The following SAMD4A variants were observed in gnomAD, a reference collection of about 807,000 sequenced individuals.
SAMD4A encodes the protein protein Smaug homolog 1.
A neutral mutation model predicts 81.3 loss-of-function variants in SAMD4A; 33 were observed. That is an observed-to-expected ratio of 0.41 (90% confidence interval 0.31 to 0.54). The LOEUF is 0.54. SAMD4A is among the 20% of genes least tolerant of loss of function. The probability of loss-of-function intolerance (pLI) is 0.37; values close to 1 mark genes in which losing one functional copy is unlikely to be tolerated. For synonymous variants in SAMD4A, 389 were observed against 382.1 expected (o/e 1.02, Z -0.21); for missense variants, 854 against 951.1 (o/e 0.90, Z 1.34).
intron 2 of SAMD4A, among the ~76,000 whole-genome samples, chr14:54,674,125 C>A (rs17127740): frequency 0.038 from 5,845 of 152,300 alleles, 388 homozygotes; most frequent in African/African-American, 0.13. Context: ...GTGGCATTCT[C>A]ATTCTTTTCT....
chr14:54,727,742 A>G (rs2037461845), intron 3 of SAMD4A, among the ~76,000 whole-genome samples: 1 of 152,202 alleles, frequency 6.6e-6, no homozygotes, highest in African/African-American at 2.4e-5. Context: ...GAATTTTAGC[A>G]ATATGTGAGT....
In SAMD4A at chr14:54,791,935, A is replaced by G. The variant is rs986278551; in HGVS notation, c.*2991A>G. The G allele has an allele frequency of 7.2e-5, 11 of 152,328 alleles. No individual in the cohort carries two copies. Among genetic ancestry groups the G allele is most frequent in the Admixed American group, 1.3e-4 (2 of 15,302 alleles). The allele number at this position is 152,328 out of a possible 1,614,324, so 9.4% of individuals were successfully genotyped here. On this transcript the variant is annotated 3_prime_UTR_variant, in exon 13 of 13. Transcript: ENST00000554335. ...GTAACAATTTTAAAATCTCAGAGTA[A>G]AATCTATTTCACTACATGCTTTTCC... is the stretch of plus-strand genomic sequence containing the variant.
intron 9 of SAMD4A, among the ~76,000 whole-genome samples, chr14:54,770,976 TA>T (rs1306793456): frequency 6.6e-6 from 1 of 152,126 alleles, no homozygotes; most frequent in Non-Finnish European, 1.5e-5. Flanking sequence ...TTTACACTTT[TA>T]AAACATGAGC....
chr14:54,603,406 G>C (rs2140233079), intron 2 of SAMD4A, among the ~76,000 whole-genome samples: 3 of 152,284 alleles, frequency 2.0e-5, no homozygotes, highest in Middle Eastern at 3.4e-3. Context: ...TTTTAACTCT[G>C]ACCTAAATGA....
upstream of SAMD4A, among the ~76,000 whole-genome samples, chr14:54,566,810 G>T (rs2032951194): frequency 6.6e-6 from 1 of 152,084 alleles, no homozygotes; most frequent in African/African-American, 2.4e-5. Flanking sequence ...GCAGGCCCAG[G>T]GAGACCTCCC....
At chr14:54,684,617 C>CTCCG (rs1555342987) in intron 2 of SAMD4A, among the ~76,000 whole-genome samples, 3 of 134,286 alleles carry the variant, frequency 2.2e-5, no homozygotes, top group Non-Finnish European at 4.7e-5. Flanking sequence ...CCCCCGCCCC[C>CTCCG]CCCCCCAACC....
intron 2 of SAMD4A, among the ~76,000 whole-genome samples, chr14:54,628,785 G>A (rs951662074): frequency 1.3e-5 from 2 of 152,176 alleles, no homozygotes; most frequent in African/African-American, 4.8e-5. Flanking sequence ...CTTGTAAGTG[G>A]CTGAGCTGGG....
At chr14:54,631,176 A>G (rs983259741) in intron 2 of SAMD4A, among the ~76,000 whole-genome samples, 1 of 152,120 alleles carries the variant, frequency 6.6e-6, no homozygotes, top group African/African-American at 2.4e-5. Flanking sequence ...TACTCAAGGG[A>G]GGATCAGCCT....
At chr14:54,749,316 C>T (rs185301888) in intron 5 of SAMD4A, among the ~76,000 whole-genome samples, 7 of 152,262 alleles carry the variant, frequency 4.6e-5, no homozygotes, top group South Asian at 4.1e-4. Context: ...TCCCTCTGCT[C>T]GAGCAGGGCT....
At chr14:54,653,340 TTATTATTATTA>T (rs1442120804) in intron 2 of SAMD4A, among the ~76,000 whole-genome samples, 3 of 143,138 alleles carry the variant, frequency 2.1e-5, no homozygotes, top group Non-Finnish European at 4.5e-5. Flanking sequence ...ATTATTATTA[TTATTATTATTA>T]TTTGAGGCAG....
intron 3 of SAMD4A, among the ~76,000 whole-genome samples, chr14:54,724,881 G>A (rs553985944): frequency 2.6e-4 from 39 of 152,256 alleles, no homozygotes; most frequent in African/African-American, 7.0e-4. Context: ...GAGAAATAAC[G>A]TGGGGACAAT....
intron 2 of SAMD4A, among the ~76,000 whole-genome samples, chr14:54,685,220 A>T (rs974197304): frequency 1.3e-5 from 2 of 151,630 alleles, no homozygotes; most frequent in African/African-American, 4.9e-5. Flanking sequence ...GAACTTTATC[A>T]TCATCCCAAA....
chr14:54,607,898 C>G (rs1461642444), intron 2 of SAMD4A, among the ~76,000 whole-genome samples: 1 of 151,830 alleles, frequency 6.6e-6, no homozygotes, highest in Non-Finnish European at 1.5e-5. Context: ...AACCTCTAAT[C>G]CCCGCTACTC....
rs1555347540 is a variant in SAMD4A, at chr14:54,724,012, G to GGAA, written c.716-13010_716-13008dup. 1.1e-4 allele frequency among the ~76,000 whole-genome samples: 16 copies of GGAA among 141,598 alleles called. No individual in the cohort carries two copies. In the East Asian group the frequency reaches 1.5e-3, roughly 13 times the overall value. 92.9% of individuals were successfully genotyped at this position (141,598 alleles called of 152,430 possible). ...ATATTGGATGGATGGATGGATGGAA[G>GGAA]GAAGGAAGGAAGGAAGGAAGGAAGG... On this transcript the variant is annotated intron_variant, in intron 3 of 12. Transcript: ENST00000554335.
At chr14:54,782,707 G>A (rs1279934002) in intron 11 of SAMD4A, among the ~76,000 whole-genome samples, 6 of 152,262 alleles carry the variant, frequency 3.9e-5, no homozygotes, top group African/African-American at 1.4e-4. Flanking sequence ...AGGCTTCTGA[G>A]ATTTTTAAAT....
intron 2 of SAMD4A, among the ~76,000 whole-genome samples, chr14:54,597,275 C>CT (rs1191195039): frequency 1.3e-5 from 2 of 151,634 alleles, no homozygotes; most frequent in East Asian, 3.9e-4. Context: ...TTTTTCTTTT[C>CT]TTTTTTCTTT....
At chr14:54,609,701 G>A (rs78813849) in intron 2 of SAMD4A, among the ~76,000 whole-genome samples, 2,754 of 152,272 alleles carry the variant, frequency 0.018, 73 homozygotes, top group African/African-American at 0.06. Context: ...TCTTGGCCAC[G>A]CTGCCCTTTT....
intron 2 of SAMD4A, among the ~76,000 whole-genome samples, chr14:54,697,549 C>T (rs1271481162): frequency 6.6e-6 from 1 of 152,044 alleles, no homozygotes; most frequent in East Asian, 1.9e-4. Context: ...GACGGGGGCG[C>T]TGAGGAAGGG....
At chr14:54,653,288 A>T (rs2035445411) in intron 2 of SAMD4A, among the ~76,000 whole-genome samples, 1 of 146,570 alleles carries the variant, frequency 6.8e-6, no homozygotes, top group Admixed American at 7.0e-5. Flanking sequence ...TTTGCCCTCA[A>T]GACTTCCTCT....
Sources: allele counts gnomAD v4.1 joint callset (sites outside exome capture counted in the v4.1 genomes callset), GRCh38; gene constraint gnomAD v4.1.1; transcripts MANE v1.5; gene names NCBI Gene and HGNC (gene_info 2026-07-23, HGNC 2026-07-21).